The following PDXDC1 variants were observed in gnomAD, a reference collection of about 807,000 sequenced individuals.
PDXDC1 encodes the protein pyridoxal dependent decarboxylase domain containing 1, also known as pyridoxal-dependent decarboxylase domain-containing protein 1.
Under a neutral mutation model 100.1 loss-of-function variants are expected in PDXDC1, and 42 were observed. That is an observed-to-expected ratio of 0.42 (90% CI 0.33 to 0.54). The LOEUF is 0.54. Among genes scored for constraint, PDXDC1 ranks in the 20% least tolerant of loss-of-function variants. The probability of loss-of-function intolerance (pLI) is 0.10; values close to 1 mark genes in which losing one functional copy is unlikely to be tolerated. For synonymous variants in PDXDC1, 260 were observed against 371.7 expected, an observed-to-expected ratio of 0.70 and a Z score of 3.46; for missense variants, 636 against 979.2, an observed-to-expected ratio of 0.65 and a Z score of 4.68.
intron 16 of PDXDC1, among the ~76,000 whole-genome samples, chr16:15,087,188 A>G (rs2045943413): frequency 6.6e-6 from 1 of 152,208 alleles, no homozygotes; most frequent in South Asian, 2.1e-4. Flanking sequence ...AGGCTTAGAC[A>G]TATAAATAAA....
intron 16 of PDXDC1, chr16:15,127,863 C>G (rs1259409904): frequency 3.2e-6 from 5 of 1,564,586 alleles, no homozygotes; most frequent in Non-Finnish European, 4.3e-6. Context: ...GCTCAGCCAC[C>G]AGCAGGCGCC....
At chr16:15,148,878 C>T in the PDXDC1 span, among the ~76,000 whole-genome samples, 4 of 152,158 alleles carry the variant, frequency 2.6e-5, no homozygotes, top group East Asian at 1.9e-4. Flanking sequence ...CCACCCCTGC[C>T]GGCAATCGCG....
At chr16:15,090,176 C>T (rs988134484) in intron 16 of PDXDC1, among the ~76,000 whole-genome samples, 1 of 152,004 alleles carries the variant, frequency 6.6e-6, no homozygotes, top group Non-Finnish European at 1.5e-5. Flanking sequence ...CACCACTGCA[C>T]TCCAGCCTGC....
rs4985154 is a variant in PDXDC1 at position 15,037,785 on chromosome 16, G to A, written c.*1510G>A. Reference sequence around the variant, plus strand: ...GTGAGAGGTAGGTTCTCCTCTGCCCGTTATTACCGACCAAAAAAAAAACTG... The same window carrying A: ...GTGAGAGGTAGGTTCTCCTCTGCCCATTATTACCGACCAAAAAAAAAACTG... On this transcript the variant is annotated 3_prime_UTR_variant, in exon 23 of 23. Coordinates refer to ENST00000396410, the MANE Select transcript of PDXDC1 (RefSeq NM_015027.4). 7 of 402,150 alleles carry A rather than the reference G, an allele frequency of 1.7e-5. No individual in the cohort carries two copies. The highest frequency in any genetic ancestry group is 1.7e-4 in the East Asian group (4 of 23,622). The allele number at this position is 402,150 out of a possible 1,614,324, so 24.9% of individuals were successfully genotyped here. A position where few individuals can be genotyped will look rare whatever the true frequency, so the allele number is the denominator to read the frequency against.
At chr16:14,986,726 T>C (rs1969459675) in intron 1 of PDXDC1, among the ~76,000 whole-genome samples, 1 of 152,288 alleles carries the variant, frequency 6.6e-6, no homozygotes, top group Non-Finnish European at 1.5e-5. Flanking sequence ...ACTCTGTAAA[T>C]GCTTTGTTGC....
intron 16 of PDXDC1, chr16:15,086,451 C>T (rs2045920281): frequency 6.2e-7 from 1 of 1,611,246 alleles, no homozygotes; most frequent in Non-Finnish European, 8.5e-7. Context: ...ATGATCTGGT[C>T]ATCCTTAAGT....
intron 16 of PDXDC1, chr16:15,133,509 C>T (rs1015933118): frequency 3.2e-5 from 28 of 880,922 alleles, no homozygotes; most frequent in African/African-American, 2.5e-4. Flanking sequence ...GCGACCACAG[C>T]GGCTCCCAGC....
At chr16:15,001,391 A>T (rs1973117059) in intron 3 of PDXDC1, among the ~76,000 whole-genome samples, 1 of 152,410 alleles carries the variant, frequency 6.6e-6, no homozygotes, top group East Asian at 1.9e-4. Flanking sequence ...CAGGAGGCTG[A>T]GGCAGGAGGA....
At chr16:14,992,060 C>T (rs1273143948) in intron 1 of PDXDC1, among the ~76,000 whole-genome samples, 2 of 152,270 alleles carry the variant, frequency 1.3e-5, no homozygotes, top group African/African-American at 2.4e-5. Context: ...TTGGAGAGCA[C>T]ATTTATACTG....
intron 16 of PDXDC1, chr16:15,083,396 C>T: frequency 1.4e-6 from 2 of 1,480,132 alleles, no homozygotes; most frequent in Non-Finnish European, 1.8e-6. Context: ...GAGACTCGGT[C>T]TCAAAAAAGA....
chr16:15,130,247 G>A (rs776761913), intron 16 of PDXDC1: 27 of 1,548,186 alleles, frequency 1.7e-5, no homozygotes, highest in Admixed American at 5.9e-5. Context: ...AGAGGCTGGC[G>A]CCGAAGGCGG....
At position 15,076,488 on chromosome 16, in the gene PDXDC1, A is replaced by G. The variant is rs770641371; in HGVS notation, c.1399+46432A>G. The G allele has an allele frequency of 4.9e-6, 5 of 1,025,670 alleles. No homozygotes were observed. The South Asian group carries it at 6.3e-5, about 13-fold the overall frequency. 63.5% of individuals were successfully genotyped at this position (1,025,670 alleles called of 1,614,324 possible). A position where few individuals can be genotyped will look rare whatever the true frequency, so the allele number is the denominator to read the frequency against. ...CTTTCAATCTAAAGCCTTAACAAAG[A>G]TGAGCAGCACTAGCTGTTTCCACCC... On this transcript the variant is annotated intron_variant, in intron 16 of 16. Coordinates refer to the PDXDC1 transcript ENST00000535621.
chr16:15,088,996 AAC>A (rs2046014278), intron 16 of PDXDC1, among the ~76,000 whole-genome samples: 1 of 152,106 alleles, frequency 6.6e-6, no homozygotes, highest in Non-Finnish European at 1.5e-5. Flanking sequence ...AAATGCATCT[AAC>A]AGACAGTTAA....
chr16:15,002,628 C>T (rs1332891804), intron 4 of PDXDC1, among the ~76,000 whole-genome samples: 1 of 152,286 alleles, frequency 6.6e-6, no homozygotes, highest in Admixed American at 6.5e-5. Flanking sequence ...ACATGTGTCA[C>T]TTCTCATAGA....
intron 16 of PDXDC1, among the ~76,000 whole-genome samples, chr16:15,099,337 T>C (rs553484191): frequency 1.3e-5 from 2 of 148,190 alleles, no homozygotes; most frequent in Admixed American, 1.4e-4. Context: ...GGAGAATTGC[T>C]TGAACCCAGG....
chr16:15,035,937 A>AT (rs2043413088), intron 22 of PDXDC1, 79 bp from the exon 23 acceptor site: 1 of 1,406,994 alleles, frequency 7.1e-7, no homozygotes, highest in East Asian at 2.3e-5. Context: ...AAATAAAGCA[A>AT]TTATCTGTTG....
At chr16:15,075,819 G>A (rs1168057241) in intron 16 of PDXDC1, among the ~76,000 whole-genome samples, 2 of 152,256 alleles carry the variant, frequency 1.3e-5, no homozygotes, top group East Asian at 1.9e-4. Flanking sequence ...CCCTTTTGCA[G>A]GTCGGGATAT....
intron 16 of PDXDC1, among the ~76,000 whole-genome samples, chr16:15,072,574 G>A (rs569258439): frequency 1.9e-4 from 29 of 152,156 alleles, no homozygotes; most frequent in African/African-American, 5.8e-4. Flanking sequence ...GGCAGGAGGC[G>A]GGCAGATCAC....
rs2042613562 is a variant in PDXDC1, at chr16:15,026,512, A to C, written c.1141-131A>C. The C allele has an allele frequency of 3.8e-6, 3 of 790,022 alleles. No homozygotes were observed. The Admixed American group carries it at 8.9e-5, about 23-fold the overall frequency. The allele number at this position is 790,022 out of a possible 1,614,324, so 48.9% of individuals were successfully genotyped here. A position where few individuals can be genotyped will look rare whatever the true frequency, so the allele number is the denominator to read the frequency against. ...TGATTTTTCTCTAGCAACTGAAATT[A>C]ACCTCTGAACTTTTTAGTGTGTTTA... On this transcript the variant is annotated intron_variant, in intron 13 of 22. Coordinates refer to ENST00000396410, the MANE Select transcript of PDXDC1 (RefSeq NM_015027.4).
Sources: gnomAD v4.1 joint callset for allele counts (sites outside exome capture counted in the v4.1 genomes callset) on GRCh38, gnomAD v4.1.1 for gene constraint, MANE v1.5 for transcripts, NCBI Gene and HGNC (gene_info 2026-07-23, HGNC 2026-07-21) for gene names.